Variants in UGGT2 observed in about 807,000 individuals in gnomAD.
UGGT2 encodes UDP-glucose glycoprotein glucosyltransferase 2.
UGGT2 carries 180 observed loss-of-function variants against 192.1 expected under a neutral mutation model. The ratio of observed to expected loss-of-function variants is 0.94; its 90% CI spans 0.83 to 1.06. The LOEUF (loss-of-function observed/expected upper bound fraction) is 1.06, where lower values mean the gene tolerates loss of function less well. Among genes scored for constraint, UGGT2 ranks in the 50% least tolerant of loss-of-function variants. The pLI, the probability that UGGT2 is intolerant of heterozygous loss-of-function variation, is 0.00. For missense variants in UGGT2, 1,849 were observed against 1,795.7 expected, an observed-to-expected ratio of 1.03 and a Z score of -0.54; for synonymous variants, 580 against 591.0, an observed-to-expected ratio of 0.98 and a Z score of 0.27.
At chr13:95,893,320 G>T (rs1023294014) in intron 24 of UGGT2, among the ~76,000 whole-genome samples, 13 of 152,180 alleles carry the variant, frequency 8.5e-5, no homozygotes, top group African/African-American at 2.9e-4. Flanking sequence ...GAATGGCAAA[G>T]ATATAATACT....
chr13:95,957,155 C>T (rs2140669287), intron 12 of UGGT2, among the ~76,000 whole-genome samples: 1 of 152,090 alleles, frequency 6.6e-6, no homozygotes, highest in East Asian at 1.9e-4. Context: ...TAGAGCTTAC[C>T]AGAGTCTTCA....
chr13:96,040,683 G>A lies in UGGT2; in HGVS notation c.159-8712C>T, dbSNP rs546588532. Reference sequence around the variant, plus strand: ...AGTAAAAAATGCATTTAATACCCTGGCAAACCCATAGTAAAGTCAAAAAAT... The same window carrying A: ...AGTAAAAAATGCATTTAATACCCTGACAAACCCATAGTAAAGTCAAAAAAT... On this transcript the variant is annotated intron_variant, in intron 1 of 38. Transcript: ENST00000376747. 4.5e-4 allele frequency among the ~76,000 whole-genome samples: 69 copies of A among 152,198 alleles called. No homozygotes were observed. In the South Asian group the frequency reaches 0.012, roughly 27 times the overall value.
At chr13:95,958,353 G>A (rs1296534797) in intron 12 of UGGT2, among the ~76,000 whole-genome samples, 3 of 152,010 alleles carry the variant, frequency 2.0e-5, no homozygotes, top group African/African-American at 7.2e-5. Flanking sequence ...GGGTTTCACC[G>A]TGTTAGCCTG....
In UGGT2 at chr13:95,815,942, T is replaced by C. The variant is rs147793700; in HGVS notation, c.4529-14130A>G. The stretch of plus-strand genomic sequence containing the variant: ...GCTCTTCTTGTGATAGTGAGTGAGT[T>C]AGTGTGAGATCTGGTTGTTTAAAAG... On this transcript the variant is annotated intron_variant, in intron 38 of 38. Transcript: ENST00000376747. Among the ~76,000 whole-genome samples, 487 of 152,202 alleles carry C rather than the reference T, an allele frequency of 3.2e-3. 3 individuals are homozygous for C. The highest frequency in any genetic ancestry group is 0.011 in the African/African-American group (464 of 41,518).
At chr13:95,895,354 T>G (rs1480585102) in intron 22 of UGGT2, 50 bp from the exon 23 acceptor site, 1 of 1,143,778 alleles carries the variant, frequency 8.7e-7, no homozygotes. Context: ...AAGATATCAG[T>G]TTAGGAAAAA....
chr13:95,925,147 C>G (rs2048979263), intron 20 of UGGT2, among the ~76,000 whole-genome samples: 1 of 152,130 alleles, frequency 6.6e-6, no homozygotes, highest in Non-Finnish European at 1.5e-5. Context: ...GAAATACAGA[C>G]AGTTATGAAA....
chr13:96,023,716 T>C lies in UGGT2; in HGVS notation c.285A>G (p.Gly95=). The C allele has an allele frequency of 1.2e-6, 2 of 1,610,012 alleles. No individual in the cohort carries two copies. The highest frequency in any genetic ancestry group is 1.7e-6 in the Non-Finnish European group (2 of 1,177,086). The change falls in exon 3 of 39, where the codon GGA becomes GGG. Residue 95 remains glycine (G), a synonymous_variant. Coordinates refer to ENST00000376747, the MANE Select transcript of UGGT2 (RefSeq NM_020121.4). The part of the protein sequence containing the change: ...SYYNLILKKA[G]QFLDNLHINL... ...TGATGTGTAAATTGTCTAGAAACTG[T>C]CCAGCTTTCTTCAGGATTAAGTTGT...
chr13:95,947,537 C>T lies in UGGT2; in HGVS notation c.1542-365G>A, dbSNP rs551739844. 1.5e-3 allele frequency among the ~76,000 whole-genome samples: 222 copies of T among 151,904 alleles called. 1 individual carries two copies. The highest frequency in any genetic ancestry group is 4.1e-3 in the African/African-American group (171 of 41,422). On this transcript the variant is annotated intron_variant, in intron 14 of 38. Transcript: ENST00000376747. ...CACAATCCAGGCTCACTGAAACCTCCGCCTCCCAGGTTCAAGTGATTCTCC... is the reference window on the plus strand; with the variant it reads ...CACAATCCAGGCTCACTGAAACCTCTGCCTCCCAGGTTCAAGTGATTCTCC...
intron 36 of UGGT2, among the ~76,000 whole-genome samples, chr13:95,845,901 C>A (rs985638473): frequency 6.6e-6 from 1 of 151,908 alleles, no homozygotes; most frequent in African/African-American, 2.4e-5. Flanking sequence ...ACTTCCTAGA[C>A]GGGATGAGGG....
chr13:96,001,716 C>A (rs562246917), intron 5 of UGGT2, among the ~76,000 whole-genome samples: 4 of 152,270 alleles, frequency 2.6e-5, no homozygotes, highest in African/African-American at 7.2e-5. Context: ...TAAATTTTTA[C>A]AAGAAACAGA....
intron 12 of UGGT2, among the ~76,000 whole-genome samples, chr13:95,953,452 C>T (rs2050126163): frequency 1.3e-5 from 2 of 152,102 alleles, no homozygotes; most frequent in African/African-American, 4.8e-5. Context: ...AGAAGAAGAG[C>T]CTTTTAACTT....
At position 95,936,967 on chromosome 13, in the gene UGGT2, C is replaced by T. The variant is rs778181614; in HGVS notation, c.1934G>A (p.Arg645Lys). 2.2e-5 allele frequency: 35 copies of T among 1,595,672 alleles called. No individual in the cohort carries two copies. In the South Asian group the frequency reaches 2.8e-4, roughly 13 times the overall value. The change falls in exon 17 of 39, where the codon AGA (arginine) becomes AAA (lysine). Residue 645 changes from arginine (R) to lysine (K), a missense_variant. By Grantham distance (26) the Arg-to-Lys change is conservative. Coordinates refer to ENST00000376747, the MANE Select transcript of UGGT2 (RefSeq NM_020121.4). ...IKELKMAVLQ[R>K]MMDASVYLQR... ...TAAATATACAGATGCATCCATCATT[C>T]TTTGAAGAACAGCCATTTTTAGTTC...
intron 36 of UGGT2, among the ~76,000 whole-genome samples, chr13:95,849,781 C>T (rs984703462): frequency 6.6e-6 from 1 of 151,008 alleles, no homozygotes; most frequent in African/African-American, 2.4e-5. Context: ...TTTTGTCACC[C>T]AGGTAGTAAG....
In UGGT2 at chr13:95,927,670, A is replaced by AT. The variant is rs1458692735; in HGVS notation, c.1978-335dup. Among the ~76,000 whole-genome samples the AT allele has an allele frequency of 6.0e-5, 9 of 150,720 alleles. 1 individual carries two copies. Among genetic ancestry groups the AT allele is most frequent in the Admixed American group, 4.6e-4 (7 of 15,134 alleles). On this transcript the variant is annotated intron_variant, in intron 17 of 38. Coordinates refer to ENST00000376747, the MANE Select transcript of UGGT2 (RefSeq NM_020121.4). ...GTTTGCTTTTTTGTTGTTTTTTTAA[A>AT]TTTTTTTAGTATTTATTGATCATTC... is the stretch of plus-strand genomic sequence containing the variant.
At chr13:95,990,182 C>A in intron 7 of UGGT2, 109 bp from the exon 8 acceptor site, 1 of 553,274 alleles carries the variant, frequency 1.8e-6, no homozygotes, top group East Asian at 3.1e-5. Context: ...ATAAATGAAT[C>A]ATTCATCATT....
chr13:95,835,501 TTTTA>T (rs1483345510), intron 37 of UGGT2, among the ~76,000 whole-genome samples: 1 of 152,236 alleles, frequency 6.6e-6, no homozygotes, highest in East Asian at 1.9e-4. Flanking sequence ...AAAAATGCCT[TTTTA>T]TTTGTTTCTG....
At chr13:96,006,056 T>A (rs371053577) in intron 5 of UGGT2, among the ~76,000 whole-genome samples, 1 of 152,050 alleles carries the variant, frequency 6.6e-6, no homozygotes, top group African/African-American at 2.4e-5. Context: ...AAGAAGTCAA[T>A]GGAACAAAAG....
chr13:95,802,979 G>A (rs1222171598), intron 38 of UGGT2, among the ~76,000 whole-genome samples: 1 of 149,364 alleles, frequency 6.7e-6, no homozygotes, highest in Non-Finnish European at 1.5e-5. Context: ...GACTACAGGC[G>A]CCCGCCACCA....
chr13:95,965,931 T>C (rs895465439), intron 12 of UGGT2, among the ~76,000 whole-genome samples: 1 of 152,086 alleles, frequency 6.6e-6, no homozygotes. Context: ...GGAACTCTTA[T>C]AGATAGTTGC....
Sources: gnomAD v4.1 joint callset for allele counts (sites outside exome capture counted in the v4.1 genomes callset) on GRCh38, gnomAD v4.1.1 for gene constraint, MANE v1.5 for transcripts, NCBI Gene and HGNC (gene_info 2026-07-23, HGNC 2026-07-21) for gene names.